Variants in ZFHX4 observed in about 807,000 individuals in gnomAD.
The protein encoded by ZFHX4 is zinc finger homeobox protein 4.
ZFHX4 carries 56 observed loss-of-function variants against 267.6 expected under a neutral mutation model. The ratio of observed to expected loss-of-function variants is 0.21; its 90% CI spans 0.17 to 0.26. ZFHX4 has a LOEUF of 0.26. Among genes scored for constraint, ZFHX4 ranks in the 10% least tolerant of loss-of-function variants. ZFHX4 has a pLI of 1.00. For synonymous variants in ZFHX4, 1,778 were observed against 1,665.6 expected (o/e 1.07, Z -1.64); for missense variants, 4,332 against 4,420.0 (o/e 0.98, Z 0.56).
intron 1 of ZFHX4, among the ~76,000 whole-genome samples, chr8:76,698,626 C>T (rs1400613442): frequency 6.6e-6 from 1 of 151,866 alleles, no homozygotes; most frequent in Non-Finnish European, 1.5e-5. Flanking sequence ...ATCACAGGGT[C>T]CCATTTACAG....
rs1250365152 is a variant in ZFHX4 at position 76,854,606 on chromosome 8, A to G, written c.7685A>G (p.Gln2562Arg). 6.2e-7 allele frequency: 1 copy of G among 1,613,600 alleles called. No individual in the cohort carries two copies. Among genetic ancestry groups the G allele is most frequent in the Non-Finnish European group, 8.5e-7 (1 of 1,179,840 alleles). ...LGSSLTQMPP[Q>R]ASSSHTTAPT... ...AGTTCCCTCACTCAAATGCCCCCTC[A>G]GGCCAGTTCCTCCCACACCACAGCC... Residue 2562 changes from glutamine (Q) to arginine (R), a missense_variant, in exon 10 of 11, where the codon CAG becomes CGG. Physicochemically the swap from Gln to Arg is conservative, Grantham distance 43. Around this residue, in one of 7 missense-constraint regions of ZFHX4, gnomAD observed 1,648 missense variants for 1,625.0 expected, o/e 1.01. Transcript: ENST00000651372.
chr8:76,822,695 C>T (rs552691533), intron 4 of ZFHX4, among the ~76,000 whole-genome samples: 109 of 152,098 alleles, frequency 7.2e-4, no homozygotes, highest in African/African-American at 2.5e-3. Context: ...CCCATCTTGG[C>T]CTCTTAAAGT....
Position 76,704,705 on chromosome 8 carries a change from C to T in ZFHX4, c.617C>T (p.Thr206Ile). ...GCTTCATCCCTCGGGAAACCATTTA[C>T]AGCCGATCAGGCTTTCCCAAATACC... is the stretch of plus-strand genomic sequence containing the variant. ...HIASSLGKPF[T>I]ADQAFPNTSA... is the part of the protein sequence containing the mutation. The change falls in exon 2 of 11, where the codon ACA becomes ATA. Residue 206 changes from threonine (T) to isoleucine (I), a missense_variant. Thr to Ile is a moderately conservative substitution (Grantham distance 89). This residue lies in a region of ZFHX4 where 1,195 missense variants were observed against 1,173.6 expected (regional missense o/e 1.02). Transcript: ENST00000651372. 1 of 1,614,026 alleles carries T rather than the reference C, an allele frequency of 6.2e-7. No homozygotes were observed. Among genetic ancestry groups the T allele is most frequent in the East Asian group, 2.2e-5 (1 of 44,868 alleles).
At chr8:76,718,959 A>G (rs1309259791) in intron 3 of ZFHX4, among the ~76,000 whole-genome samples, 1 of 151,586 alleles carries the variant, frequency 6.6e-6, no homozygotes, top group Non-Finnish European at 1.5e-5. Flanking sequence ...ACACACACAC[A>G]CACACACACA....
At chr8:76,687,815 A>G (rs1807729030) in intron 1 of ZFHX4, among the ~76,000 whole-genome samples, 1 of 152,210 alleles carries the variant, frequency 6.6e-6, no homozygotes, top group Non-Finnish European at 1.5e-5. Context: ...GGGGGTTTAT[A>G]CAAGTGTGAA....
intron 4 of ZFHX4, among the ~76,000 whole-genome samples, chr8:76,825,399 A>G (rs1303704345): frequency 2.6e-5 from 4 of 152,256 alleles, no homozygotes; most frequent in Admixed American, 6.5e-5. Flanking sequence ...GCCCAAGTGT[A>G]TATGGATTTG....
chr8:76,738,425 C>T (rs938760139), intron 3 of ZFHX4, among the ~76,000 whole-genome samples: 5 of 152,136 alleles, frequency 3.3e-5, no homozygotes, highest in African/African-American at 1.2e-4. Context: ...CTAAGTGGAA[C>T]AAAAGTGATG....
At chr8:76,716,805 G>A (rs1585877354) in intron 3 of ZFHX4, among the ~76,000 whole-genome samples, 1 of 152,316 alleles carries the variant, frequency 6.6e-6, no homozygotes, top group Non-Finnish European at 1.5e-5. Context: ...GTCCTGGGAT[G>A]ACAGAGATTT....
At chr8:76,725,145 C>A (rs1321872272) in intron 3 of ZFHX4, among the ~76,000 whole-genome samples, 1 of 151,880 alleles carries the variant, frequency 6.6e-6, no homozygotes, top group Non-Finnish European at 1.5e-5. Context: ...TACTTTTCTC[C>A]CAAATACAAT....
rs112063642 is a variant in ZFHX4 at position 76,771,770 on chromosome 8, A to G, written c.3094-6438A>G. On this transcript the variant is annotated intron_variant, in intron 3 of 10. Transcript: ENST00000651372. ...TTATTGTCCGAATTGATTAGAATGAATGAGAGCTTGTGGCAAGAGATGGTG... is the reference window on the plus strand; with the variant it reads ...TTATTGTCCGAATTGATTAGAATGAGTGAGAGCTTGTGGCAAGAGATGGTG... 6.8e-3 allele frequency among the ~76,000 whole-genome samples: 1,028 copies of G among 152,282 alleles called. 11 individuals are homozygous for G. Among genetic ancestry groups the G allele is most frequent in the African/African-American group, 0.024 (979 of 41,562 alleles).
intron 4 of ZFHX4, among the ~76,000 whole-genome samples, chr8:76,813,534 T>C (rs963324929): frequency 2.0e-5 from 3 of 152,192 alleles, no homozygotes; most frequent in Admixed American, 6.6e-5. Context: ...CCTCTTGAGT[T>C]TGGCTTTCAA....
chr8:76,848,970 T>C (rs775803196), intron 6 of ZFHX4, 25 bp from the exon 7 acceptor site: 1 of 1,474,628 alleles, frequency 6.8e-7, no homozygotes, highest in Non-Finnish European at 9.0e-7. Flanking sequence ...TTAAATTGAA[T>C]TGTTCTATTC....
At chr8:76,706,888 G>A (rs890913790) in intron 2 of ZFHX4, among the ~76,000 whole-genome samples, 1 of 152,150 alleles carries the variant, frequency 6.6e-6, no homozygotes, top group Non-Finnish European at 1.5e-5. Context: ...GATCAATGGC[G>A]GCATCAGCGA....
At chr8:76,752,506 A>AG in intron 3 of ZFHX4, among the ~76,000 whole-genome samples, 1 of 150,552 alleles carries the variant, frequency 6.6e-6, no homozygotes, top group South Asian at 2.1e-4. Context: ...AAAAAAAAAA[A>AG]AAAGAAAAAA....
intron 3 of ZFHX4, among the ~76,000 whole-genome samples, chr8:76,740,868 G>A (rs1310324147): frequency 6.6e-6 from 1 of 152,136 alleles, no homozygotes; most frequent in East Asian, 1.9e-4. Context: ...TAGCACATTT[G>A]TGTGTGAAGT....
intron 6 of ZFHX4, among the ~76,000 whole-genome samples, chr8:76,847,530 A>C (rs1812396402): frequency 6.6e-6 from 1 of 152,120 alleles, no homozygotes. Flanking sequence ...GTATCAGTAT[A>C]ATCTGATGAA....
chr8:76,746,587 A>G (rs1809465529), intron 3 of ZFHX4, among the ~76,000 whole-genome samples: 1 of 152,146 alleles, frequency 6.6e-6, no homozygotes, highest in African/African-American at 2.4e-5. Flanking sequence ...GGGCTATTCT[A>G]TTTTGAATAA....
At chr8:76,839,074 AGAG>A (rs1812168076) in intron 5 of ZFHX4, among the ~76,000 whole-genome samples, 1 of 147,934 alleles carries the variant, frequency 6.8e-6, no homozygotes, top group African/African-American at 2.6e-5. Flanking sequence ...AGAGAGAGAG[AGAG>A]AGAGAGAGAG....
chr8:76,861,213 T>A (rs976876564), intron 10 of ZFHX4, among the ~76,000 whole-genome samples: 17 of 150,924 alleles, frequency 1.1e-4, no homozygotes, highest in Non-Finnish European at 1.0e-4. Context: ...TCTGGAAATA[T>A]AACATTATTT....
Sources: gnomAD v4.1 joint callset for allele counts (sites outside exome capture counted in the v4.1 genomes callset) on GRCh38, gnomAD v4.1.1 for gene constraint, gnomAD v4.1.1 regional missense constraint, MANE v1.5 for transcripts, NCBI Gene and HGNC (gene_info 2026-07-23, HGNC 2026-07-21) for gene names.